Variants in COBL observed in about 807,000 individuals in gnomAD.
The protein encoded by COBL is protein cordon-bleu.
COBL carries 51 observed loss-of-function variants against 98.8 expected under a neutral mutation model. The ratio of observed to expected loss-of-function variants is 0.52; its 90% confidence interval spans 0.41 to 0.65. COBL has a LOEUF of 0.65. COBL is among the 30% of genes least tolerant of loss of function. The probability of loss-of-function intolerance (pLI) is 0.00; values close to 1 mark genes in which losing one functional copy is unlikely to be tolerated. For synonymous variants in COBL, 634 were observed against 651.7 expected (o/e 0.97, Z 0.41); for missense variants, 1,617 against 1,617.5 (o/e 1.00, Z 0.01).
chr7:51,039,683 C>T (rs1339518077), intron 8 of COBL, among the ~76,000 whole-genome samples: 2 of 152,230 alleles, frequency 1.3e-5, no homozygotes, highest in African/African-American at 4.8e-5. Flanking sequence ...GACAAATAGG[C>T]AAGCAAAGTA....
intron 10 of COBL, 98 bp from the exon 11 acceptor site, chr7:51,026,763 TG>T: frequency 3.5e-6 from 5 of 1,443,724 alleles, no homozygotes; most frequent in Non-Finnish European, 4.7e-6. Context: ...CCAGGCACGG[TG>T]GCTCATGCCT....
At chr7:51,245,003 C>T (rs1342506646) in intron 1 of COBL, among the ~76,000 whole-genome samples, 3 of 152,134 alleles carry the variant, frequency 2.0e-5, no homozygotes, top group Non-Finnish European at 4.4e-5. Flanking sequence ...TCTTTCCTTC[C>T]TCTTTCCACA....
At chr7:51,143,805 A>T (rs1784779997) in intron 5 of COBL, among the ~76,000 whole-genome samples, 1 of 152,222 alleles carries the variant, frequency 6.6e-6, no homozygotes, top group Non-Finnish European at 1.5e-5. Flanking sequence ...CTTTTCAAGA[A>T]AAGTAGGATT....
intron 1 of COBL, among the ~76,000 whole-genome samples, chr7:51,257,417 G>A (rs538874167): frequency 1.4e-4 from 21 of 152,148 alleles, no homozygotes; most frequent in Non-Finnish European, 2.6e-4. Flanking sequence ...CATATCTAAA[G>A]AAAGTAGAGG....
Position 51,016,842 on chromosome 7 carries a change from G to A in COBL, c.*709C>T, listed in dbSNP as rs929209070. The A allele has an allele frequency of 5.0e-5, 20 of 397,944 alleles. No homozygotes were observed. Among genetic ancestry groups the A allele is most frequent in the African/African-American group, 2.1e-4 (10 of 48,626 alleles). 24.7% of individuals were successfully genotyped at this position (397,944 alleles called of 1,614,324 possible). A position where few individuals can be genotyped will look rare whatever the true frequency, so the allele number is the denominator to read the frequency against. ...AGTGGTGGTGTGACCTCAGCCACCCGCCACCCTTGCAGGACTCGGGCATGC... is the reference window on the plus strand; with the variant it reads ...AGTGGTGGTGTGACCTCAGCCACCCACCACCCTTGCAGGACTCGGGCATGC... On this transcript the variant is annotated 3_prime_UTR_variant, in exon 13 of 13. Coordinates refer to ENST00000265136, the MANE Select transcript of COBL (RefSeq NM_015198.5).
chr7:51,091,512 A>G (rs987925919), intron 6 of COBL, among the ~76,000 whole-genome samples: 1 of 152,174 alleles, frequency 6.6e-6, no homozygotes. Flanking sequence ...AATTGAACAC[A>G]GCCTTAAGGA....
intron 1 of COBL, 47 bp from the exon 2 acceptor site, chr7:51,219,991 A>G: frequency 6.5e-7 from 1 of 1,548,844 alleles, no homozygotes; most frequent in Non-Finnish European, 8.8e-7. Flanking sequence ...CAATGTTCCT[A>G]CCTGCCTCGG....
chr7:51,238,429 C>A (rs1795474323), intron 1 of COBL, among the ~76,000 whole-genome samples: 1 of 152,102 alleles, frequency 6.6e-6, no homozygotes, highest in Non-Finnish European at 1.5e-5. Context: ...CGGGGCAGAG[C>A]TCTCATTTCC....
intron 1 of COBL, among the ~76,000 whole-genome samples, chr7:51,230,828 C>T (rs1350588728): frequency 1.3e-5 from 2 of 152,206 alleles, no homozygotes; most frequent in Non-Finnish European, 2.9e-5. Flanking sequence ...TGTTTCTGCA[C>T]GTGGGGCAGA....
At chr7:51,305,849 C>T (rs150197454) in intron 1 of COBL, among the ~76,000 whole-genome samples, 1,812 of 152,202 alleles carry the variant, frequency 0.012, 27 homozygotes, top group Middle Eastern at 0.027. Flanking sequence ...GCCCGGCCAA[C>T]ATGGTGAAGA....
chr7:51,237,274 T>C (rs1364626988), intron 1 of COBL, among the ~76,000 whole-genome samples: 13 of 151,718 alleles, frequency 8.6e-5, no homozygotes, highest in Non-Finnish European at 1.9e-4. Flanking sequence ...TTCATCTTAA[T>C]TCTAGCCTAT....
chr7:51,124,632 C>T (rs1798038379), intron 6 of COBL, among the ~76,000 whole-genome samples: 2 of 152,138 alleles, frequency 1.3e-5, no homozygotes, highest in African/African-American at 4.8e-5. Context: ...TCGTAATCTA[C>T]CCAAAAGACA....
chr7:51,253,585 T>C (rs950001384), intron 1 of COBL, among the ~76,000 whole-genome samples: 2 of 152,166 alleles, frequency 1.3e-5, no homozygotes, highest in African/African-American at 4.8e-5. Flanking sequence ...AAAAGGAGAG[T>C]GAGAGAATTC....
chr7:51,074,829 A>G (rs984679340), intron 7 of COBL, among the ~76,000 whole-genome samples: 2 of 152,232 alleles, frequency 1.3e-5, no homozygotes, highest in African/African-American at 4.8e-5. Context: ...GGAAAAAGGT[A>G]TAAATAGTTA....
rs1007087302 is a variant in COBL at position 51,294,285 on chromosome 7, C to T, written c.41+22308G>A. On this transcript the variant is annotated intron_variant, in intron 1 of 12. Transcript: ENST00000265136. ...CAGCCTGGGCAACAGAGTGAGACTC[C>T]ATCTCAAAACATAAATAAATAAATA... Among the ~76,000 whole-genome samples, 21 of 140,358 alleles carry T rather than the reference C, an allele frequency of 1.5e-4. No individual in the cohort carries two copies. In the Admixed American group the frequency reaches 1.5e-3, roughly 10 times the overall value. The allele number at this position is 140,358 out of a possible 152,430, so 92.1% of individuals were successfully genotyped here.
At chr7:51,285,298 A>T (rs1332815404) in intron 1 of COBL, among the ~76,000 whole-genome samples, 1 of 152,148 alleles carries the variant, frequency 6.6e-6, no homozygotes, top group Non-Finnish European at 1.5e-5. Context: ...AAAAACAAAT[A>T]AAAGGCATCA....
intron 1 of COBL, among the ~76,000 whole-genome samples, chr7:51,275,825 T>G (rs889201273): frequency 6.6e-6 from 1 of 152,232 alleles, no homozygotes; most frequent in Middle Eastern, 3.2e-3. Context: ...CCATGCTGAT[T>G]GATGAGAATG....
chr7:51,143,615 C>T (rs760806749), intron 5 of COBL, among the ~76,000 whole-genome samples: 9 of 152,004 alleles, frequency 5.9e-5, no homozygotes, highest in Non-Finnish European at 1.3e-4. Context: ...GTCTGGGTGC[C>T]GACTGAAAGG....
In COBL at chr7:51,296,035, T is replaced by C. The variant is rs138946540; in HGVS notation, c.41+20558A>G. ...CTTCCATAAAAATAAACCTGACTTATCTAAGCCCCACCCTACAAGTAGAAC... is the reference window on the plus strand; with the variant it reads ...CTTCCATAAAAATAAACCTGACTTACCTAAGCCCCACCCTACAAGTAGAAC... On this transcript the variant is annotated intron_variant, in intron 1 of 12. Coordinates refer to ENST00000265136, the MANE Select transcript of COBL (RefSeq NM_015198.5). Among the ~76,000 whole-genome samples the C allele has an allele frequency of 1.7e-3, 259 of 152,292 alleles. 2 individuals are homozygous for C. Among genetic ancestry groups the C allele is most frequent in the African/African-American group, 5.9e-3 (247 of 41,570 alleles).
Sources: allele counts gnomAD v4.1 joint callset (sites outside exome capture counted in the v4.1 genomes callset), GRCh38; gene constraint gnomAD v4.1.1; transcripts MANE v1.5; gene names NCBI Gene and HGNC (gene_info 2026-07-23, HGNC 2026-07-21).